TMEM245: variants seen among roughly 807,000 people sequenced by gnomAD.
The protein encoded by TMEM245 is transmembrane protein 245.
In TMEM245, 69 loss-of-function variants were observed where a neutral mutation model predicts 101.2. The ratio of observed to expected loss-of-function variants is 0.68; its 90% CI spans 0.56 to 0.83. TMEM245 has a LOEUF of 0.83. Ranked by LOEUF, TMEM245 falls within the 40% of genes least tolerant of loss-of-function variation. The probability of loss-of-function intolerance (pLI) is 0.00; values close to 1 mark genes in which losing one functional copy is unlikely to be tolerated. For synonymous variants in TMEM245, 537 were observed against 449.8 expected, an observed-to-expected ratio of 1.19 and a Z score of -2.45; for missense variants, 1,075 against 1,092.8, an observed-to-expected ratio of 0.98 and a Z score of 0.23.
At position 109,090,775 on chromosome 9, in the gene TMEM245, GTGTT is replaced by G. The variant is rs1335967954; in HGVS notation, c.1150+143_1150+146del. 3.2e-5 allele frequency: 22 copies of G among 687,322 alleles called. No individual in the cohort carries two copies. In the Admixed American group the frequency reaches 5.2e-4, roughly 16 times the overall value. 42.6% of individuals were successfully genotyped at this position (687,322 alleles called of 1,614,324 possible). Reference sequence around the variant, plus strand: ...ATCAAAGTAATAAATTAACCAAATGGTGTTTGTTTACTATTTAAATGCAAACATA... The same window carrying G: ...ATCAAAGTAATAAATTAACCAAATGGTGTTTACTATTTAAATGCAAACATA... On this transcript the variant is annotated intron_variant, in intron 5 of 17. Coordinates refer to ENST00000374586, the MANE Select transcript of TMEM245 (RefSeq NM_032012.4).
At position 109,019,223 on chromosome 9, in the gene TMEM245, G is replaced by C. The variant is rs1354970256; in HGVS notation, c.*1237C>G. 6.6e-6 allele frequency: 1 copy of C among 152,078 alleles called. No homozygotes were observed. The highest frequency in any genetic ancestry group is 1.9e-4 in the East Asian group (1 of 5,188). 9.4% of individuals were successfully genotyped at this position (152,078 alleles called of 1,614,324 possible). A position where few individuals can be genotyped will look rare whatever the true frequency, so the allele number is the denominator to read the frequency against. ...ATAGCAACACCAATCTCGTAACACTGGGAAAACTGCATACAATATTTAGAA... is the reference window on the plus strand; with the variant it reads ...ATAGCAACACCAATCTCGTAACACTCGGAAAACTGCATACAATATTTAGAA... On this transcript the variant is annotated 3_prime_UTR_variant, in exon 18 of 18. Coordinates refer to ENST00000374586, the MANE Select transcript of TMEM245 (RefSeq NM_032012.4).
At chr9:109,057,375 G>C in intron 11 of TMEM245, 53 bp from the exon 12 acceptor site, 1 of 1,586,140 alleles carries the variant, frequency 6.3e-7, no homozygotes, top group Non-Finnish European at 8.6e-7. Flanking sequence ...CTAAAGAACA[G>C]AAAGTATAAA....
At chr9:109,051,339 C>CA (rs1005589201) in intron 12 of TMEM245, among the ~76,000 whole-genome samples, 2 of 146,984 alleles carry the variant, frequency 1.4e-5, no homozygotes, top group South Asian at 2.2e-4. Context: ...CACACACACA[C>CA]ATCATTGTAG....
chr9:109,032,084 G>A (rs148169310), intron 17 of TMEM245, among the ~76,000 whole-genome samples: 3 of 152,126 alleles, frequency 2.0e-5, no homozygotes, highest in South Asian at 2.1e-4. Flanking sequence ...CAGTTCTGGC[G>A]GAACTGCTTG....
At chr9:109,100,123 G>A (rs1191811196) in intron 3 of TMEM245, among the ~76,000 whole-genome samples, 1 of 152,160 alleles carries the variant, frequency 6.6e-6, no homozygotes, top group Non-Finnish European at 1.5e-5. Context: ...CTGGGATCTA[G>A]GAGGCAAGGA....
At chr9:109,085,612 T>A (rs750063631) in intron 7 of TMEM245, among the ~76,000 whole-genome samples, 1 of 152,224 alleles carries the variant, frequency 6.6e-6, no homozygotes, top group Non-Finnish European at 1.5e-5. Context: ...GTGTCTTTTA[T>A]AGAAAAAGTA....
intron 14 of TMEM245, among the ~76,000 whole-genome samples, chr9:109,041,450 C>CA (rs1283702444): frequency 8.4e-6 from 1 of 119,144 alleles, no homozygotes; most frequent in South Asian, 2.8e-4. Flanking sequence ...TGCCATCCTA[C>CA]AAATTTTTTT....
chr9:109,063,818 A>G (rs1205166482), intron 10 of TMEM245, among the ~76,000 whole-genome samples: 1 of 152,132 alleles, frequency 6.6e-6, no homozygotes, highest in African/African-American at 2.4e-5. Context: ...GGCTCACACA[A>G]ATACCCTTCT....
intron 17 of TMEM245, among the ~76,000 whole-genome samples, chr9:109,028,463 A>AC (rs1327082390): frequency 1.3e-5 from 2 of 151,846 alleles, no homozygotes; most frequent in African/African-American, 4.8e-5. Context: ...TCAAAAAAAA[A>AC]AAAAAAATCC....
At chr9:109,054,611 T>C (rs1241771210) in intron 12 of TMEM245, among the ~76,000 whole-genome samples, 1 of 151,720 alleles carries the variant, frequency 6.6e-6, no homozygotes, top group African/African-American at 2.4e-5. Context: ...TTTACAACAA[T>C]ATCCAAAAAA....
intron 3 of TMEM245, among the ~76,000 whole-genome samples, chr9:109,102,864 A>G (rs1464172332): frequency 6.6e-6 from 1 of 152,252 alleles, no homozygotes; most frequent in African/African-American, 2.4e-5. Context: ...GGTCAACTGT[A>G]GAAGCTTTGT....
intron 14 of TMEM245, among the ~76,000 whole-genome samples, chr9:109,049,194 CA>C (rs1219693212): frequency 5.9e-5 from 9 of 152,170 alleles, no homozygotes; most frequent in Non-Finnish European, 1.3e-4. Flanking sequence ...AGAAGGTTAT[CA>C]AAACTGCTTT....
At chr9:109,063,941 A>G (rs1203650277) in intron 10 of TMEM245, among the ~76,000 whole-genome samples, 1 of 152,210 alleles carries the variant, frequency 6.6e-6, no homozygotes, top group African/African-American at 2.4e-5. Flanking sequence ...CAGTAGAAAC[A>G]AAGGATTTGA....
intron 14 of TMEM245, among the ~76,000 whole-genome samples, chr9:109,045,400 A>T (rs961468196): frequency 6.6e-6 from 1 of 152,192 alleles, no homozygotes; most frequent in African/African-American, 2.4e-5. Context: ...GAATTCTTCC[A>T]TTCTCACCCT....
chr9:109,068,027 A>G (rs1047080279), intron 9 of TMEM245, among the ~76,000 whole-genome samples: 6 of 152,140 alleles, frequency 3.9e-5, no homozygotes, highest in African/African-American at 7.2e-5. Context: ...TATCTGCTGA[A>G]AAAGAATCAG....
intron 9 of TMEM245, among the ~76,000 whole-genome samples, chr9:109,070,183 G>A (rs995143904): frequency 3.9e-5 from 6 of 152,032 alleles, no homozygotes; most frequent in African/African-American, 1.2e-4. Context: ...ATCCAACCCA[G>A]ACCTCTCATC....
At chr9:109,103,106 C>A (rs1246679269) in intron 3 of TMEM245, among the ~76,000 whole-genome samples, 2 of 152,184 alleles carry the variant, frequency 1.3e-5, no homozygotes, top group Non-Finnish European at 2.9e-5. Flanking sequence ...GAAATTCCAA[C>A]CAGAGCAATC....
rs1227205601 is a variant in TMEM245 at position 109,087,354 on chromosome 9, C to G, written c.1151-12G>C. 6.3e-7 allele frequency: 1 copy of G among 1,576,542 alleles called. No homozygotes were observed. Reference sequence around the variant, plus strand: ...TTTGAGTATCCAGACTAAAAAAAGACAAAAAATACATATATAAACAAAATA... The same window carrying G: ...TTTGAGTATCCAGACTAAAAAAAGAGAAAAAATACATATATAAACAAAATA... On this transcript the variant is annotated splice_polypyrimidine_tract_variant and intron_variant, in intron 5 of 17. Coordinates refer to ENST00000374586, the MANE Select transcript of TMEM245 (RefSeq NM_032012.4).
chr9:109,085,224 G>A (rs1031230652), intron 7 of TMEM245, among the ~76,000 whole-genome samples: 1 of 152,142 alleles, frequency 6.6e-6, no homozygotes, highest in African/African-American at 2.4e-5. Context: ...TTCTGCCCTA[G>A]CATCCTGGGT....
Sources: allele counts gnomAD v4.1 joint callset (sites outside exome capture counted in the v4.1 genomes callset), GRCh38; gene constraint gnomAD v4.1.1; transcripts MANE v1.5; gene names NCBI Gene and HGNC (gene_info 2026-07-23, HGNC 2026-07-21).